GRM1: variants seen among roughly 807,000 people sequenced by gnomAD.
GRM1 encodes metabotropic glutamate receptor 1.
GRM1 carries 33 observed loss-of-function variants against 90.9 expected under a neutral mutation model. That is an observed-to-expected ratio of 0.36 (90% CI 0.28 to 0.49). GRM1 has a LOEUF of 0.49. GRM1 is among the 20% of genes least tolerant of loss of function. GRM1 has a pLI of 0.99. For missense variants in GRM1, 1,190 were observed against 1,534.3 expected, an observed-to-expected ratio of 0.78 and a Z score of 3.75; for synonymous variants, 700 against 613.2, an observed-to-expected ratio of 1.14 and a Z score of -2.09.
intron 2 of GRM1, among the ~76,000 whole-genome samples, chr6:146,267,119 A>G (rs936330071): frequency 6.6e-6 from 1 of 152,088 alleles, no homozygotes; most frequent in Non-Finnish European, 1.5e-5. Flanking sequence ...GCTCCTACTT[A>G]TAAGTGAGAA....
chr6:146,391,603 T>C (rs1776725488), intron 6 of GRM1, among the ~76,000 whole-genome samples: 1 of 151,980 alleles, frequency 6.6e-6, no homozygotes, highest in Non-Finnish European at 1.5e-5. Context: ...CCACATAACA[T>C]GACATTACAT....
intron 2 of GRM1, among the ~76,000 whole-genome samples, chr6:146,294,254 T>C (rs1206894324): frequency 1.3e-5 from 2 of 151,964 alleles, no homozygotes; most frequent in Admixed American, 1.3e-4. Context: ...TTAAGCTACT[T>C]CCTATGAATT....
chr6:146,210,050 C>T (rs1779636341), intron 2 of GRM1, among the ~76,000 whole-genome samples: 1 of 152,066 alleles, frequency 6.6e-6, no homozygotes, highest in Admixed American at 6.6e-5. Flanking sequence ...TTTTTGAATG[C>T]AGGATGGGGT....
chr6:146,179,730 T>C (rs1042229726), intron 2 of GRM1, among the ~76,000 whole-genome samples: 11 of 152,140 alleles, frequency 7.2e-5, no homozygotes, highest in African/African-American at 2.7e-4. Context: ...TTAGCCAGGA[T>C]AGTCTCGATC....
At chr6:146,054,837 G>A (rs1775422872) in intron 1 of GRM1, among the ~76,000 whole-genome samples, 1 of 152,020 alleles carries the variant, frequency 6.6e-6, no homozygotes, top group Admixed American at 6.6e-5. Flanking sequence ...AAAAAACTAG[G>A]GATTTTAAGG....
chr6:146,419,402 G>C (rs1169281884), intron 7 of GRM1, among the ~76,000 whole-genome samples: 1 of 152,180 alleles, frequency 6.6e-6, no homozygotes, highest in Non-Finnish European at 1.5e-5. Flanking sequence ...AAATGATGAA[G>C]ATTAATGAGA....
intron 1 of GRM1, among the ~76,000 whole-genome samples, chr6:146,149,112 T>G (rs1216269738): frequency 6.6e-6 from 1 of 152,224 alleles, no homozygotes; most frequent in East Asian, 1.9e-4. Context: ...AAGTGGATCA[T>G]TGTATGAAGC....
At chr6:146,424,736 A>G (rs904996794) in intron 7 of GRM1, among the ~76,000 whole-genome samples, 1 of 152,216 alleles carries the variant, frequency 6.6e-6, no homozygotes, top group Non-Finnish European at 1.5e-5. Flanking sequence ...ACATACAGAC[A>G]TTCCTCAAAA....
intron 3 of GRM1, among the ~76,000 whole-genome samples, chr6:146,323,552 T>G (rs1311461299): frequency 6.6e-6 from 1 of 152,194 alleles, no homozygotes; most frequent in Non-Finnish European, 1.5e-5. Flanking sequence ...GCCTGTTCAC[T>G]CTGATGGTAG....
At chr6:146,239,881 C>G (rs1293610693) in intron 2 of GRM1, among the ~76,000 whole-genome samples, 3 of 152,052 alleles carry the variant, frequency 2.0e-5, no homozygotes, top group Non-Finnish European at 4.4e-5. Context: ...TGTAGTCCAA[C>G]AGTCTCCATT....
intron 2 of GRM1, among the ~76,000 whole-genome samples, chr6:146,291,618 A>G (rs972989364): frequency 6.6e-6 from 1 of 151,958 alleles, no homozygotes; most frequent in Non-Finnish European, 1.5e-5. Flanking sequence ...GGAAACTACA[A>G]AAGATTGCTA....
intron 1 of GRM1, among the ~76,000 whole-genome samples, chr6:146,098,946 A>T (rs1776959289): frequency 7.8e-6 from 1 of 127,612 alleles, no homozygotes; most frequent in Non-Finnish European, 1.8e-5. Flanking sequence ...TAAATTAACC[A>T]GTTTCAGGCA....
At chr6:146,076,024 G>A (rs993115562) in intron 1 of GRM1, among the ~76,000 whole-genome samples, 1 of 152,198 alleles carries the variant, frequency 6.6e-6, no homozygotes, top group African/African-American at 2.4e-5. Context: ...TCAAACAATT[G>A]TGTCCCTGTG....
intron 2 of GRM1, among the ~76,000 whole-genome samples, chr6:146,172,744 G>A (rs149216850): frequency 6.6e-6 from 1 of 152,186 alleles, no homozygotes; most frequent in Admixed American, 6.5e-5. Flanking sequence ...GAGTCTTAGA[G>A]GGTAGGTTAG....
chr6:146,140,872 C>A (rs570896680), intron 1 of GRM1, among the ~76,000 whole-genome samples: 1 of 152,192 alleles, frequency 6.6e-6, no homozygotes, highest in South Asian at 2.1e-4. Flanking sequence ...ATTAGTTCAT[C>A]TTTTAGTCTT....
intron 3 of GRM1, among the ~76,000 whole-genome samples, chr6:146,308,473 TA>T (rs1783657190): frequency 6.6e-6 from 1 of 152,226 alleles, no homozygotes; most frequent in Admixed American, 6.5e-5. Flanking sequence ...GATCATTTCA[TA>T]AAAATTATAT....
intron 2 of GRM1, among the ~76,000 whole-genome samples, chr6:146,216,609 T>C (rs1779880616): frequency 6.6e-6 from 1 of 152,220 alleles, no homozygotes; most frequent in Non-Finnish European, 1.5e-5. Flanking sequence ...GGCTACACAA[T>C]TTAACAGTGT....
chr6:146,239,547 G>T (rs1295297612), intron 2 of GRM1, among the ~76,000 whole-genome samples: 1 of 151,612 alleles, frequency 6.6e-6, no homozygotes, highest in Non-Finnish European at 1.5e-5. Flanking sequence ...ACGGATGCAT[G>T]AAAAAAAATG....
intron 3 of GRM1, among the ~76,000 whole-genome samples, chr6:146,345,865 T>A (rs1339716890): frequency 6.6e-6 from 1 of 152,226 alleles, no homozygotes; most frequent in Non-Finnish European, 1.5e-5. Context: ...CAGCTCTCTG[T>A]AGCATACTCT....
Sources: gnomAD v4.1 joint callset for allele counts (sites outside exome capture counted in the v4.1 genomes callset) on GRCh38, gnomAD v4.1.1 for gene constraint, MANE v1.5 for transcripts, NCBI Gene and HGNC (gene_info 2026-07-23, HGNC 2026-07-21) for gene names.